The following FSIP2 variants were observed in gnomAD, a reference collection of about 807,000 sequenced individuals.
FSIP2 encodes the protein fibrous sheath interacting protein 2.
In FSIP2, 367 loss-of-function variants were observed where a neutral mutation model predicts 510.5. The observed-to-expected ratio is 0.72, with a 90% CI of 0.66 to 0.78. The LOEUF (loss-of-function observed/expected upper bound fraction) is 0.78. FSIP2 is among the 30% of genes least tolerant of loss of function. The pLI is 0.00. For synonymous variants in FSIP2, 2,601 were observed against 2,732.2 expected, an observed-to-expected ratio of 0.95 and a Z score of 1.50; for missense variants, 7,594 against 7,901.7, an observed-to-expected ratio of 0.96 and a Z score of 1.48.
rs1423158906 is a variant in FSIP2, at chr2:185,802,299, G to C, written c.12993G>C (p.Leu4331Phe). ...CAAAGCATAACACTGAAATTGAGTT[G>C]AAAAACATGACCCAAAGAATAGTAA... ...FSPKHNTEIE[L>F]KNMTQRIVNS... The change falls in exon 17 of 23, where the codon TTG (leucine) becomes TTC (phenylalanine). Residue 4331 changes from leucine to phenylalanine, a missense_variant. Coordinates refer to ENST00000424728, the MANE Select transcript of FSIP2 (RefSeq NM_173651.4). 2 of 1,533,608 alleles carry C rather than the reference G, an allele frequency of 1.3e-6. No individual in the cohort carries two copies. Among genetic ancestry groups the C allele is most frequent in the African/African-American group, 1.4e-5 (1 of 72,814 alleles).
In FSIP2 at chr2:185,831,787, GTTTGTA is replaced by G; in HGVS notation, c.20518-22_20518-17del. 6.6e-7 allele frequency: 1 copy of G among 1,521,278 alleles called. No homozygotes were observed. The highest frequency in any genetic ancestry group is 9.1e-7 in the Non-Finnish European group (1 of 1,096,466). The allele number at this position is 1,521,278 out of a possible 1,614,324, so 94.2% of individuals were successfully genotyped here. On this transcript the variant is annotated intron_variant, in intron 21 of 22. Transcript: ENST00000424728. ...GTGTTTGTGTCCAGTGAAAGACTCA[GTTTGTA>G]TTTCAATTTACCTTGGCAGTTTATC...
intron 21 of FSIP2, among the ~76,000 whole-genome samples, chr2:185,829,134 A>G (rs1054529494): frequency 1.3e-5 from 2 of 151,832 alleles, no homozygotes; most frequent in Non-Finnish European, 2.9e-5. Flanking sequence ...CTAAGAACCT[A>G]TTGACACTCA....
In FSIP2 at chr2:185,746,756, A is replaced by T; in HGVS notation, c.705A>T (p.Arg235Ser). Reference protein sequence around the residue: ...QRLFLMDREERRQREHTRRKL... With the variant: ...QRLFLMDREESRQREHTRRKL... ...TATTCCTAATGGATAGAGAAGAAAGACGACAGCGGGAACACACAAGAAGAA... is the reference window on the plus strand; with the variant it reads ...TATTCCTAATGGATAGAGAAGAAAGTCGACAGCGGGAACACACAAGAAGAA... Residue 235 changes from arginine (R) to serine (S), a missense_variant, in exon 6 of 23, where the codon AGA (arginine) becomes AGT (serine). Physicochemically the swap from Arg to Ser is moderately radical, Grantham distance 110. Coordinates refer to ENST00000424728, the MANE Select transcript of FSIP2 (RefSeq NM_173651.4). 6.5e-7 allele frequency: 1 copy of T among 1,532,304 alleles called. No individual in the cohort carries two copies. The highest frequency in any genetic ancestry group is 8.7e-7 in the Non-Finnish European group (1 of 1,145,326). The allele number at this position is 1,532,304 out of a possible 1,614,324, so 94.9% of individuals were successfully genotyped here. A position where few individuals can be genotyped will look rare whatever the true frequency, so the allele number is the denominator to read the frequency against.
chr2:185,830,133 A>T (rs956039712), intron 21 of FSIP2, among the ~76,000 whole-genome samples: 1 of 151,908 alleles, frequency 6.6e-6, no homozygotes, highest in African/African-American at 2.4e-5. Context: ...TACCAAAAAC[A>T]AACAAACAAA....
chr2:185,793,975 A>T lies in FSIP2; in HGVS notation c.6839A>T (p.Lys2280Ile). The T allele has an allele frequency of 1.3e-6, 2 of 1,531,516 alleles. No individual in the cohort carries two copies. The highest frequency in any genetic ancestry group is 1.7e-6 in the Non-Finnish European group (2 of 1,144,418). 94.9% of individuals were successfully genotyped at this position (1,531,516 alleles called of 1,614,324 possible). The stretch of plus-strand genomic sequence containing the variant: ...TTAATTACCCTTGCTTTCCAAAGTA[A>T]AGAAAAGTCATTTGTTATCCCAGAA... ...DSLITLAFQS[K>I]EKSFVIPELE... Residue 2280 changes from lysine to isoleucine, a missense_variant, in exon 16 of 23, where the codon AAA becomes ATA. Physicochemically the swap from Lys to Ile is moderately radical, Grantham distance 102. Coordinates refer to ENST00000424728, the MANE Select transcript of FSIP2 (RefSeq NM_173651.4).
rs1456324499 is a variant in FSIP2, at chr2:185,804,400, G to GTAT, written c.15097_15099dup (p.Leu5033dup). 2.7e-6 allele frequency: 4 copies of GTAT among 1,506,468 alleles called. No individual in the cohort carries two copies. Among genetic ancestry groups the GTAT allele is most frequent in the Non-Finnish European group, 2.7e-6 (3 of 1,131,296 alleles). 93.3% of individuals were successfully genotyped at this position (1,506,468 alleles called of 1,614,324 possible). On this transcript the variant is annotated inframe_insertion, in exon 17 of 23. Transcript: ENST00000424728. Reference sequence around the variant, plus strand: ...AATAGTCAACTCAGTATATGGAAAAGTATTAGATCAATATAAATCTCTGAT... The same window carrying GTAT: ...AATAGTCAACTCAGTATATGGAAAAGTATTATTAGATCAATATAAATCTCTGAT...
chr2:185,796,121 G>T lies in FSIP2; in HGVS notation c.8985G>T (p.Thr2995=), dbSNP rs778359211. ...AAATTGTTCAAGAGATTGTAGAAAC[G>T]GTTTTAAACATGTTAGAGTCATTTG... is the stretch of plus-strand genomic sequence containing the variant. ...SNQIVQEIVE[T]VLNMLESFVD... is the part of the protein sequence containing the mutation. Residue 2995 remains threonine, a synonymous_variant, in exon 16 of 23, where the codon ACG becomes ACT. Coordinates refer to ENST00000424728, the MANE Select transcript of FSIP2 (RefSeq NM_173651.4). 38 of 1,534,098 alleles carry T rather than the reference G, an allele frequency of 2.5e-5. No homozygotes were observed. Among genetic ancestry groups the T allele is most frequent in the Non-Finnish European group, 3.1e-5 (35 of 1,145,978 alleles).
At position 185,749,734 on chromosome 2, in the gene FSIP2, G is replaced by T. The variant is rs530456808; in HGVS notation, c.870+2311G>T. On this transcript the variant is annotated intron_variant, in intron 7 of 22. Coordinates refer to ENST00000424728, the MANE Select transcript of FSIP2 (RefSeq NM_173651.4). ...GATTTGTTTGTTAGTGGCTCTCTTT[G>T]CTAGTGATCTCAAGGGGAAAGGATT... Among the ~76,000 whole-genome samples the T allele has an allele frequency of 1.8e-3, 267 of 151,760 alleles. 1 individual carries two copies. Among genetic ancestry groups the T allele is most frequent in the African/African-American group, 6.2e-3 (258 of 41,440 alleles).
chr2:185,759,093 C>T (rs1692299765), intron 9 of FSIP2, among the ~76,000 whole-genome samples: 1 of 150,996 alleles, frequency 6.6e-6, no homozygotes. Context: ...TGATTGTGTA[C>T]ATCTTAATAT....
chr2:185,775,923 A>AAAG (rs1692707066), intron 13 of FSIP2, among the ~76,000 whole-genome samples: 1 of 152,150 alleles, frequency 6.6e-6, no homozygotes, highest in Admixed American at 6.5e-5. Flanking sequence ...TTTGCCTTCT[A>AAAG]AAGTGTTGGG....
At chr2:185,758,231 T>C (rs187350346) in intron 9 of FSIP2, among the ~76,000 whole-genome samples, 41 of 151,308 alleles carry the variant, frequency 2.7e-4, no homozygotes, top group African/African-American at 8.9e-4. Context: ...CAAAAGAAAT[T>C]TGAAATTTTG....
chr2:185,801,800 GA>G lies in FSIP2; in HGVS notation c.12501del (p.Lys4167AsnfsTer3). ...CCACCCATTACATGTTCCTCTTTAGGAAAAAAATATTTAATGAGTTCTGATT... is the reference window on the plus strand; with the variant it reads ...CCACCCATTACATGTTCCTCTTTAGGAAAAAATATTTAATGAGTTCTGATT... ...IPPPITCSSL[G>X]KKYLMSSDFN... On this transcript the variant is annotated frameshift_variant, in exon 17 of 23. Coordinates refer to ENST00000424728, the MANE Select transcript of FSIP2 (RefSeq NM_173651.4). LOFTEE classifies it high-confidence loss of function. 2 of 1,492,242 alleles carry G rather than the reference GA, an allele frequency of 1.3e-6. No individual in the cohort carries two copies. The highest frequency in any genetic ancestry group is 8.9e-7 in the Non-Finnish European group (1 of 1,126,868). 92.4% of individuals were successfully genotyped at this position (1,492,242 alleles called of 1,614,324 possible).
Position 185,809,133 on chromosome 2 carries a change from G to A in FSIP2, c.19827G>A (p.Glu6609=), listed in dbSNP as rs1018571445. ...GAAGACTGGATGTAAAACCCCTAGAGGTAAGTGCAAAAGCAATGGCATGAA... is the reference window on the plus strand; with the variant it reads ...GAAGACTGGATGTAAAACCCCTAGAAGTAAGTGCAAAAGCAATGGCATGAA... ...KTGRLDVKPL[E]AVARNSFQNI... is the part of the protein sequence containing the mutation. Residue 6609 remains glutamate (E), a splice_region_variant and synonymous_variant, in exon 17 of 23, where the codon GAG becomes GAA. Coordinates refer to ENST00000424728, the MANE Select transcript of FSIP2 (RefSeq NM_173651.4). The A allele has an allele frequency of 1.3e-6, 2 of 1,549,980 alleles. No individual in the cohort carries two copies. The highest frequency in any genetic ancestry group is 8.7e-7 in the Non-Finnish European group (1 of 1,155,962).
intron 2 of FSIP2, 135 bp downstream of exon 2, chr2:185,739,606 C>T (rs887205219): frequency 2.7e-6 from 2 of 748,468 alleles, no homozygotes; most frequent in African/African-American, 1.8e-5. Context: ...CACATCTGAC[C>T]GAAGGTATTG....
rs573354474 is a variant in FSIP2 at position 185,804,827 on chromosome 2, T to C, written c.15521T>C (p.Met5174Thr). Residue 5174 changes from methionine to threonine, a missense_variant, in exon 17 of 23, where the codon ATG (methionine) becomes ACG (threonine). By Grantham distance (81) the Met-to-Thr change is moderately conservative. Transcript: ENST00000424728. ...EISEHEIRLS[M>T]AEDNAESMQL... ...TCTGAACATGAGATTCGACTTTCCATGGCAGAGGATAATGCAGAAAGTATG... is the reference window on the plus strand; with the variant it reads ...TCTGAACATGAGATTCGACTTTCCACGGCAGAGGATAATGCAGAAAGTATG... The C allele has an allele frequency of 8.5e-6, 13 of 1,532,504 alleles. No individual in the cohort carries two copies. The South Asian group carries it at 1.6e-4, about 18-fold the overall frequency. 94.9% of individuals were successfully genotyped at this position (1,532,504 alleles called of 1,614,324 possible). A position where few individuals can be genotyped will look rare whatever the true frequency, so the allele number is the denominator to read the frequency against.
Position 185,806,945 on chromosome 2 carries a change from C to T in FSIP2, c.17639C>T (p.Ser5880Phe). The stretch of plus-strand genomic sequence containing the variant: ...GAGCCAACTACAGATGAAGCACCAT[C>T]CAGCATTAAGATAAAATCTGCAGAT... ...YKEPTTDEAP[S>F]SIKIKSADKM... The change falls in exon 17 of 23, where the codon TCC becomes TTC. Residue 5880 changes from serine to phenylalanine, a missense_variant. Transcript: ENST00000424728. 6.2e-7 allele frequency: 1 copy of T among 1,611,412 alleles called. No homozygotes were observed. Among genetic ancestry groups the T allele is most frequent in the Non-Finnish European group, 8.5e-7 (1 of 1,178,714 alleles).
At position 185,791,528 on chromosome 2, in the gene FSIP2, G is replaced by A; in HGVS notation, c.4392G>A (p.Glu1464=). 7.2e-6 allele frequency: 11 copies of A among 1,534,444 alleles called. No individual in the cohort carries two copies. Among genetic ancestry groups the A allele is most frequent in the Non-Finnish European group, 9.6e-6 (11 of 1,145,670 alleles). The change falls in exon 16 of 23, where the codon GAG becomes GAA. Residue 1464 remains glutamate (E), a synonymous_variant. Coordinates refer to ENST00000424728, the MANE Select transcript of FSIP2 (RefSeq NM_173651.4). ...TATCTTGTAGTCAACAAAGCAGAGA[G>A]ATGACCAATAAGAATCAGAAAATGG... ...SQLSCSQQSR[E]MTNKNQKMAA...
Position 185,803,407 on chromosome 2 carries a change from G to A in FSIP2, c.14101G>A (p.Val4701Met), listed in dbSNP as rs1451942972. Residue 4701 changes from valine to methionine, a missense_variant, in exon 17 of 23, where the codon GTG (valine) becomes ATG (methionine). Transcript: ENST00000424728. ...RDVVKTIVDM[V>M]YSKVLQEYEM... Reference sequence around the variant, plus strand: ...TGTAGTCAAAACAATTGTTGACATGGTGTACAGCAAAGTTTTGCAAGAATA... The same window carrying A: ...TGTAGTCAAAACAATTGTTGACATGATGTACAGCAAAGTTTTGCAAGAATA... The A allele has an allele frequency of 2.6e-6, 4 of 1,532,718 alleles. No homozygotes were observed. In the African/African-American group the frequency reaches 5.5e-5, roughly 21 times the overall value. 94.9% of individuals were successfully genotyped at this position (1,532,718 alleles called of 1,614,324 possible).
Position 185,805,111 on chromosome 2 carries a change from C to A in FSIP2, c.15805C>A (p.Pro5269Thr), listed in dbSNP as rs1217479580. The A allele has an allele frequency of 6.2e-7, 1 of 1,608,180 alleles. No individual in the cohort carries two copies. Among genetic ancestry groups the A allele is most frequent in the Admixed American group, 1.7e-5 (1 of 59,480 alleles). ...TAAATCTGGTAAAGAAAAGACACAG[C>A]CTTCTCTCTATTCAGCTACATTTTT... ...LAKSGKEKTQ[P>T]SLYSATFLED... Residue 5269 changes from proline (P) to threonine (T), a missense_variant, in exon 17 of 23, where the codon CCT becomes ACT. Coordinates refer to ENST00000424728, the MANE Select transcript of FSIP2 (RefSeq NM_173651.4).
Sources: gnomAD v4.1 joint callset for allele counts (sites outside exome capture counted in the v4.1 genomes callset) on GRCh38, gnomAD v4.1.1 for gene constraint, MANE v1.5 for transcripts, NCBI Gene and HGNC (gene_info 2026-07-23, HGNC 2026-07-21) for gene names.